Variants in DAB1 observed in about 807,000 individuals in gnomAD.
DAB1 encodes DAB adaptor protein 1.
Under a neutral mutation model 64.6 loss-of-function variants are expected in DAB1, and 15 were observed. The observed-to-expected ratio is 0.23, with a 90% confidence interval of 0.16 to 0.36. DAB1 has a LOEUF of 0.36. Among genes scored for constraint, DAB1 ranks in the 10% least tolerant of loss-of-function variants. DAB1 has a pLI of 1.00. For synonymous variants in DAB1, 235 were observed against 251.9 expected (o/e 0.93, Z 0.64); for missense variants, 596 against 706.7 (o/e 0.84, Z 1.78).
intron 11 of DAB1, among the ~76,000 whole-genome samples, chr1:57,022,758 A>G (rs1198984476): frequency 6.6e-6 from 1 of 152,280 alleles, no homozygotes; most frequent in African/African-American, 2.4e-5. Flanking sequence ...TTTCAAATAC[A>G]TAGTTAAAGA....
chr1:57,634,110 T>G (rs1646023718), intron 7 of DAB1, among the ~76,000 whole-genome samples: 1 of 152,212 alleles, frequency 6.6e-6, no homozygotes, highest in African/African-American at 2.4e-5. Flanking sequence ...AAGACCTGCC[T>G]CTTTAAAGAA....
At chr1:57,793,710 C>T (rs1054133927) in intron 6 of DAB1, among the ~76,000 whole-genome samples, 2 of 152,190 alleles carry the variant, frequency 1.3e-5, no homozygotes, top group Non-Finnish European at 2.9e-5. Flanking sequence ...CGCTATGCCT[C>T]AAAAACTCAG....
intron 7 of DAB1, among the ~76,000 whole-genome samples, chr1:57,556,287 G>A (rs189851869): frequency 6.6e-6 from 1 of 152,186 alleles, no homozygotes; most frequent in East Asian, 1.9e-4. Flanking sequence ...CCTCTAGATA[G>A]ATACACAGGA....
intron 6 of DAB1, among the ~76,000 whole-genome samples, chr1:57,680,598 ATCTC>A (rs1433681156): frequency 6.6e-6 from 1 of 152,178 alleles, no homozygotes; most frequent in African/African-American, 2.4e-5. Context: ...TTTCAACAGT[ATCTC>A]TCTTTCTCTG....
rs747295271 is a variant in DAB1, at chr1:57,294,716, G to A, written c.-136-3550C>T. ...ATATAATTATCTACATGAAACAAAC[G>A]AGGAAACTGAGGCACAAGCCAGCTT... On this transcript the variant is annotated intron_variant, in intron 1 of 14. Coordinates refer to ENST00000371236, the MANE Select transcript of DAB1 (RefSeq NM_001365792.1). 4.6e-5 allele frequency among the ~76,000 whole-genome samples: 7 copies of A among 152,194 alleles called. 1 individual carries two copies. Among genetic ancestry groups the A allele is most frequent in the African/African-American group, 2.4e-5 (1 of 41,536 alleles).
chr1:58,317,839 A>G (rs1488676401), intron 4 of DAB1, among the ~76,000 whole-genome samples: 1 of 152,212 alleles, frequency 6.6e-6, no homozygotes, highest in Non-Finnish European at 1.5e-5. Flanking sequence ...GTTACACCAC[A>G]ATAGAAAATG....
rs371573068 is a variant in DAB1 at position 57,514,987 on chromosome 1, ACT to A, written n.625+134603_625+134604del. 3.2e-4 allele frequency among the ~76,000 whole-genome samples: 49 copies of A among 152,196 alleles called. No homozygotes were observed. In the East Asian group the frequency reaches 8.5e-3, roughly 26 times the overall value. On this transcript the variant is annotated intron_variant and non_coding_transcript_variant, in intron 7 of 20. Transcript: ENST00000485760. ...TTGCTTTTATTACCATTGTCTAGTT[ACT>A]CTCAGTTATTTTGAAGCATATTGCT...
At chr1:58,402,718 T>G (rs1644582816) in intron 3 of DAB1, among the ~76,000 whole-genome samples, 1 of 152,138 alleles carries the variant, frequency 6.6e-6, no homozygotes, top group Admixed American at 6.5e-5. Context: ...CGTTTATTTA[T>G]GGAGTTAGTG....
chr1:58,439,384 A>G (rs528911440), intron 3 of DAB1, among the ~76,000 whole-genome samples: 1 of 152,276 alleles, frequency 6.6e-6, no homozygotes, highest in East Asian at 1.9e-4. Flanking sequence ...CCTTCAGTAA[A>G]GAAACATTTA....
chr1:57,443,031 G>A (rs1340649983), intron 7 of DAB1, among the ~76,000 whole-genome samples: 2 of 152,198 alleles, frequency 1.3e-5, no homozygotes, highest in Non-Finnish European at 2.9e-5. Context: ...TGAACAAAGA[G>A]CCTGAAATCT....
At chr1:58,259,878 C>G (rs556211879) in intron 4 of DAB1, among the ~76,000 whole-genome samples, 1 of 152,304 alleles carries the variant, frequency 6.6e-6, no homozygotes, top group African/African-American at 2.4e-5. Context: ...TGATAGATAA[C>G]ACTTACATAG....
chr1:58,173,658 T>C (rs542632869), intron 4 of DAB1, among the ~76,000 whole-genome samples: 1 of 152,308 alleles, frequency 6.6e-6, no homozygotes, highest in African/African-American at 2.4e-5. Context: ...TCTAGGAGTA[T>C]GGGAAAGTGA....
intron 4 of DAB1, among the ~76,000 whole-genome samples, chr1:58,245,398 G>A (rs781768506): frequency 3.3e-5 from 5 of 152,120 alleles, no homozygotes; most frequent in East Asian, 1.9e-4. Context: ...AGCTTATCAC[G>A]TGTGCCTCTG....
chr1:57,277,099 G>A (rs58393370), intron 2 of DAB1, among the ~76,000 whole-genome samples: 2 of 152,118 alleles, frequency 1.3e-5, no homozygotes, highest in South Asian at 2.1e-4. Flanking sequence ...CACCTATGAC[G>A]TGCTAAAGTC....
intron 6 of DAB1, among the ~76,000 whole-genome samples, chr1:57,664,416 A>G (rs1427388593): frequency 6.6e-6 from 1 of 152,198 alleles, no homozygotes; most frequent in African/African-American, 2.4e-5. Context: ...ATATTTATTT[A>G]TCTTTCTTTT....
upstream of DAB1, among the ~76,000 whole-genome samples, chr1:57,428,123 G>A (rs892439992): frequency 8.6e-5 from 13 of 151,900 alleles, no homozygotes; most frequent in Admixed American, 5.2e-4. Flanking sequence ...AGCTGAGATC[G>A]CACCATTGTA....
At chr1:57,088,968 G>A (rs949627221) in intron 4 of DAB1, among the ~76,000 whole-genome samples, 4 of 152,168 alleles carry the variant, frequency 2.6e-5, no homozygotes, top group African/African-American at 9.7e-5. Flanking sequence ...AAGCACAATG[G>A]TTAAGGGCAC....
Position 57,756,503 on chromosome 1 carries a change from T to C in DAB1, n.552-106838A>G, listed in dbSNP as rs886128527. ...GATAACAAGAAGCCAGCTTCAGGAA[T>C]TCAGACTTTATCCTAAGGGCAGGGA... is the stretch of plus-strand genomic sequence containing the variant. On this transcript the variant is annotated intron_variant and non_coding_transcript_variant, in intron 6 of 20. Transcript: ENST00000485760. Among the ~76,000 whole-genome samples, 9 of 152,190 alleles carry C rather than the reference T, an allele frequency of 5.9e-5. No homozygotes were observed. In the East Asian group the frequency reaches 1.7e-3, roughly 29 times the overall value.
intron 4 of DAB1, among the ~76,000 whole-genome samples, chr1:57,135,779 A>C (rs959547757): frequency 6.6e-6 from 1 of 152,184 alleles, no homozygotes; most frequent in African/African-American, 2.4e-5. Flanking sequence ...GTGCTTGATA[A>C]ATTACCTTTG....
Sources: gnomAD v4.1 joint callset for allele counts (sites outside exome capture counted in the v4.1 genomes callset) on GRCh38, gnomAD v4.1.1 for gene constraint, MANE v1.5 for transcripts, NCBI Gene and HGNC (gene_info 2026-07-23, HGNC 2026-07-21) for gene names.